Variants in SH3RF2 observed in about 807,000 individuals in gnomAD.
The protein encoded by SH3RF2 is E3 ubiquitin-protein ligase SH3RF2.
SH3RF2 carries 43 observed loss-of-function variants against 59.0 expected under a neutral mutation model. The ratio of observed to expected loss-of-function variants is 0.73; its 90% CI spans 0.57 to 0.94. The LOEUF (loss-of-function observed/expected upper bound fraction) is 0.94, where lower values mean the gene tolerates loss of function less well. Among genes scored for constraint, SH3RF2 ranks in the 40% least tolerant of loss-of-function variants. SH3RF2 has a pLI of 0.00. For missense variants in SH3RF2, 930 were observed against 940.1 expected, an observed-to-expected ratio of 0.99 and a Z score of 0.14; for synonymous variants, 391 against 391.5, an observed-to-expected ratio of 1.00 and a Z score of 0.01.
At position 146,062,868 on chromosome 5, in the gene SH3RF2, G is replaced by C; in HGVS notation, c.*167G>C. 1.1e-6 allele frequency: 1 copy of C among 877,884 alleles called. No homozygotes were observed. Among genetic ancestry groups the C allele is most frequent in the Non-Finnish European group, 1.7e-6 (1 of 591,482 alleles). The allele number at this position is 877,884 out of a possible 1,614,324, so 54.4% of individuals were successfully genotyped here. On this transcript the variant is annotated 3_prime_UTR_variant, in exon 10 of 10. Coordinates refer to ENST00000359120, the MANE Select transcript of SH3RF2 (RefSeq NM_152550.4). ...GTGGGAGCAGAAATTCCTGCCCTGGGTGGGAGGATAGATGGCGTGGCCTTC... is the reference window on the plus strand; with the variant it reads ...GTGGGAGCAGAAATTCCTGCCCTGGCTGGGAGGATAGATGGCGTGGCCTTC...
chr5:146,036,823 T>C (rs1761952068), intron 5 of SH3RF2, among the ~76,000 whole-genome samples: 1 of 152,232 alleles, frequency 6.6e-6, no homozygotes, highest in Non-Finnish European at 1.5e-5. Context: ...AAAAAGCTAA[T>C]GCAGAGCATA....
intron 2 of SH3RF2, among the ~76,000 whole-genome samples, chr5:145,960,985 G>A (rs1386378507): frequency 6.6e-6 from 1 of 152,162 alleles, no homozygotes; most frequent in African/African-American, 2.4e-5. Context: ...TCTGATAGCA[G>A]CAAGCAGCTG....
intron 8 of SH3RF2, among the ~76,000 whole-genome samples, chr5:146,056,936 A>G (rs1215466600): frequency 6.6e-6 from 1 of 152,198 alleles, no homozygotes; most frequent in African/African-American, 2.4e-5. Context: ...CACATAGTGA[A>G]CTTCTACATA....
chr5:146,058,877 A>AC (rs1561768993), intron 8 of SH3RF2, among the ~76,000 whole-genome samples: 1 of 152,068 alleles, frequency 6.6e-6, no homozygotes, highest in African/African-American at 2.4e-5. Flanking sequence ...AATTTAAAAA[A>AC]AAAAAAAAAA....
intron 2 of SH3RF2, among the ~76,000 whole-genome samples, chr5:145,986,627 C>T (rs1251515314): frequency 2.0e-5 from 3 of 152,136 alleles, no homozygotes; most frequent in African/African-American, 7.2e-5. Context: ...TCAGTCCTAT[C>T]CCATTGAACA....
intron 2 of SH3RF2, among the ~76,000 whole-genome samples, chr5:145,965,518 G>A (rs1481717935): frequency 2.0e-5 from 3 of 151,768 alleles, no homozygotes; most frequent in East Asian, 3.9e-4. Context: ...AACTAAGAGG[G>A]AAAAAAAAGT....
At chr5:145,962,235 C>T (rs1758657799) in intron 2 of SH3RF2, among the ~76,000 whole-genome samples, 1 of 152,170 alleles carries the variant, frequency 6.6e-6, no homozygotes, top group African/African-American at 2.4e-5. Flanking sequence ...ATCAGCCATC[C>T]TGCACCACAT....
downstream of SH3RF2, among the ~76,000 whole-genome samples, chr5:146,068,036 C>T (rs1763145283): frequency 6.6e-6 from 1 of 152,238 alleles, no homozygotes; most frequent in South Asian, 2.1e-4. Flanking sequence ...CGCTCCTGAC[C>T]ACTGTCCAGC....
intron 2 of SH3RF2, among the ~76,000 whole-genome samples, chr5:145,980,960 T>C (rs1025942874): frequency 3.3e-5 from 5 of 152,226 alleles, no homozygotes; most frequent in East Asian, 1.9e-4. Context: ...TACTCTTTCA[T>C]TGGTAAATAT....
chr5:145,969,800 T>C (rs1298544994), intron 2 of SH3RF2, among the ~76,000 whole-genome samples: 1 of 151,922 alleles, frequency 6.6e-6, no homozygotes, highest in Admixed American at 6.6e-5. Flanking sequence ...ATCCAAGCCA[T>C]GAGTTGGCAA....
chr5:146,027,847 A>G (rs1413384012), intron 5 of SH3RF2, among the ~76,000 whole-genome samples: 2 of 152,206 alleles, frequency 1.3e-5, no homozygotes, highest in African/African-American at 4.8e-5. Flanking sequence ...CCTGGGGCAC[A>G]GTGACTTCTG....
At chr5:145,955,713 C>G (rs1758371328) in intron 2 of SH3RF2, among the ~76,000 whole-genome samples, 1 of 152,118 alleles carries the variant, frequency 6.6e-6, no homozygotes, top group African/African-American at 2.4e-5. Context: ...AGGTACCTGA[C>G]CATGCAGAGC....
downstream of SH3RF2, among the ~76,000 whole-genome samples, chr5:146,064,820 G>T (rs867173382): frequency 9.0e-5 from 1 of 11,074 alleles, no homozygotes; most frequent in African/African-American, 1.0e-4. Flanking sequence ...AAGAAAGAAA[G>T]AAAGAAAGAA....
chr5:146,010,319 A>T (rs1283392214), intron 4 of SH3RF2, among the ~76,000 whole-genome samples: 1 of 152,208 alleles, frequency 6.6e-6, no homozygotes, highest in Non-Finnish European at 1.5e-5. Flanking sequence ...TGCTATTGTG[A>T]ATAGTGCCAC....
At chr5:146,014,110 A>T in intron 5 of SH3RF2, 49 bp downstream of exon 5, 1 of 1,584,996 alleles carries the variant, frequency 6.3e-7, no homozygotes, top group Non-Finnish European at 8.6e-7. Context: ...TGGGCAAGTG[A>T]TTCATACCAT....
At chr5:145,972,930 T>C (rs747108269) in intron 2 of SH3RF2, among the ~76,000 whole-genome samples, 2 of 152,054 alleles carry the variant, frequency 1.3e-5, no homozygotes, top group African/African-American at 4.8e-5. Context: ...AAGTAGATAA[T>C]AGAGCTACAA....
intron 6 of SH3RF2, among the ~76,000 whole-genome samples, chr5:146,048,269 C>T (rs2150014491): frequency 6.6e-6 from 1 of 151,556 alleles, no homozygotes; most frequent in Admixed American, 6.6e-5. Context: ...GAGCTATGAT[C>T]ATCCCACTGC....
At chr5:146,015,490 G>A (rs1388941187) in intron 5 of SH3RF2, among the ~76,000 whole-genome samples, 1 of 152,070 alleles carries the variant, frequency 6.6e-6, no homozygotes, top group African/African-American at 2.4e-5. Flanking sequence ...TAAAATGGGA[G>A]CCTTGTGACT....
intron 2 of SH3RF2, among the ~76,000 whole-genome samples, chr5:145,951,742 C>T (rs541285791): frequency 1.5e-4 from 23 of 152,332 alleles, no homozygotes; most frequent in African/African-American, 5.5e-4. Flanking sequence ...ATCTGCCACT[C>T]TTTGAAGGCA....
Sources: allele counts gnomAD v4.1 joint callset (sites outside exome capture counted in the v4.1 genomes callset), GRCh38; gene constraint gnomAD v4.1.1; transcripts MANE v1.5; gene names NCBI Gene and HGNC (gene_info 2026-07-23, HGNC 2026-07-21).